PACS2: variants seen among roughly 807,000 people sequenced by gnomAD.
The protein encoded by PACS2 is PACS1-like protein.
PACS2 carries 36 observed loss-of-function variants against 113.0 expected under a neutral mutation model. That is an observed-to-expected ratio of 0.32 (90% CI 0.24 to 0.42). The LOEUF (loss-of-function observed/expected upper bound fraction) is 0.42. Ranked by LOEUF, PACS2 falls within the 10% of genes least tolerant of loss-of-function variation. The probability of loss-of-function intolerance (pLI) is 1.00; values close to 1 mark genes in which losing one functional copy is unlikely to be tolerated. For synonymous variants in PACS2, 589 were observed against 536.1 expected, an observed-to-expected ratio of 1.10 and a Z score of -1.36; for missense variants, 1,015 against 1,239.5, an observed-to-expected ratio of 0.82 and a Z score of 2.72.
At chr14:105,319,553 T>C (rs969737986) in intron 1 of PACS2, among the ~76,000 whole-genome samples, 1 of 152,256 alleles carries the variant, frequency 6.6e-6, no homozygotes, top group Non-Finnish European at 1.5e-5. Flanking sequence ...AATCAGTGAT[T>C]TTACTATTTT....
chr14:105,392,929 AGCCCCCGGGCTG>A (rs2081408426), intron 23 of PACS2, 84 bp downstream of exon 23: 1 of 1,147,812 alleles, frequency 8.7e-7, no homozygotes, highest in Admixed American at 1.8e-5. Flanking sequence ...CAGGGATGAC[AGCCCCCGGGCTG>A]GCCTCGGGCA....
intron 1 of PACS2, among the ~76,000 whole-genome samples, chr14:105,307,270 T>C (rs587680996): frequency 1.2e-4 from 19 of 152,148 alleles, no homozygotes; most frequent in African/African-American, 4.3e-4. Context: ...TTCATCAGGC[T>C]CCTGCATTCC....
intron 9 of PACS2, among the ~76,000 whole-genome samples, chr14:105,378,762 C>T (rs959724936): frequency 6.6e-6 from 1 of 152,242 alleles, no homozygotes; most frequent in African/African-American, 2.4e-5. Context: ...ATCTGTAGGT[C>T]TCCCTTCCTC....
At chr14:105,384,552 C>A in intron 17 of PACS2, 89 bp downstream of exon 17, 1 of 787,880 alleles carries the variant, frequency 1.3e-6, no homozygotes, top group Non-Finnish European at 2.1e-6. Context: ...GGCCCTGCAC[C>A]TGCTCAGGCT....
rs74577215 is a variant in PACS2 at position 105,378,418 on chromosome 14, T to C, written c.960-1321T>C. ...GTTTTTTTAGGGGGCGGGGGAGTTG[T>C]TTGTTTCTTGAGATAAGGCCTTGCT... On this transcript the variant is annotated intron_variant, in intron 9 of 24. Transcript: ENST00000447393. Among the ~76,000 whole-genome samples the C allele has an allele frequency of 7.6e-4, 116 of 152,156 alleles. 3 individuals carry two copies. In the East Asian group the frequency reaches 0.015, roughly 20 times the overall value.
In PACS2 at chr14:105,390,015, C is replaced by T. The variant is rs2081303228; in HGVS notation, c.2076+12C>T. On this transcript the variant is annotated intron_variant, in intron 20 of 24. Coordinates refer to ENST00000447393, the MANE Select transcript of PACS2 (RefSeq NM_001100913.3). ...TTCCCTTTGTCGGGGTGAGTACTGGCCAGCTTTATGTGATGGGAAACCGCA... is the reference window on the plus strand; with the variant it reads ...TTCCCTTTGTCGGGGTGAGTACTGGTCAGCTTTATGTGATGGGAAACCGCA... 1.2e-6 allele frequency: 2 copies of T among 1,612,550 alleles called. No individual in the cohort carries two copies. Among genetic ancestry groups the T allele is most frequent in the African/African-American group, 1.3e-5 (1 of 75,024 alleles).
At chr14:105,362,262 T>TA (rs1488485597) in intron 4 of PACS2, among the ~76,000 whole-genome samples, 34 of 144,792 alleles carry the variant, frequency 2.3e-4, no homozygotes, top group South Asian at 1.3e-3. Flanking sequence ...ACTGAAAATA[T>TA]AAAAAATTAG....
At position 105,356,531 on chromosome 14, in the gene PACS2, T is replaced by C. The variant is rs1187588045; in HGVS notation, c.423+1354T>C. On this transcript the variant is annotated intron_variant, in intron 4 of 24. Coordinates refer to ENST00000447393, the MANE Select transcript of PACS2 (RefSeq NM_001100913.3). The surrounding 1 kb of genome is among the most constrained non-coding windows in gnomAD (Gnocchi z 4.0). Reference sequence around the variant, plus strand: ...AGCCTCCCTCCTGCAGGCTGAGCGATGGGTGAACAGGTAGCTCAGGGATGC... The same window carrying C: ...AGCCTCCCTCCTGCAGGCTGAGCGACGGGTGAACAGGTAGCTCAGGGATGC... Among the ~76,000 whole-genome samples, 1 of 152,144 alleles carries C rather than the reference T, an allele frequency of 6.6e-6. No individual in the cohort carries two copies. The highest frequency in any genetic ancestry group is 2.4e-5 in the African/African-American group (1 of 41,430).
chr14:105,319,255 T>C lies in PACS2; in HGVS notation c.119+4218T>C, dbSNP rs149791762. The stretch of plus-strand genomic sequence containing the variant: ...GCCACCACGCCCAGCCAGAATTATC[T>C]TTTTAAGTTTCACACAAAGCCACAT... On this transcript the variant is annotated intron_variant, in intron 1 of 24. Coordinates refer to ENST00000447393, the MANE Select transcript of PACS2 (RefSeq NM_001100913.3). Among the ~76,000 whole-genome samples, 113 of 152,366 alleles carry C rather than the reference T, an allele frequency of 7.4e-4. 1 individual carries two copies. Among genetic ancestry groups the C allele is most frequent in the African/African-American group, 2.7e-3 (111 of 41,592 alleles).
chr14:105,379,171 T>TGGAAAGGCCTGGGTGGTCC (rs1441269660), intron 9 of PACS2, among the ~76,000 whole-genome samples: 1 of 151,778 alleles, frequency 6.6e-6, no homozygotes, highest in Non-Finnish European at 1.5e-5. Flanking sequence ...GTGGATAGTG[T>TGGAAAGGCCTGGGTGGTCC]GGAAAGGCCT....
intron 16 of PACS2, chr14:105,383,760 A>C: frequency 2.0e-6 from 1 of 496,440 alleles, no homozygotes; most frequent in Non-Finnish European, 3.6e-6. Flanking sequence ...TTGCCCTAAA[A>C]CAGCCATTTG....
At chr14:105,345,394 G>C (rs376857048) in intron 1 of PACS2, among the ~76,000 whole-genome samples, 2 of 152,104 alleles carry the variant, frequency 1.3e-5, no homozygotes, top group African/African-American at 4.8e-5. Flanking sequence ...GCAACAGAGC[G>C]AGACTCCGTC....
At chr14:105,344,256 T>G (rs587594590) in intron 1 of PACS2, among the ~76,000 whole-genome samples, 2 of 151,156 alleles carry the variant, frequency 1.3e-5, no homozygotes, top group African/African-American at 2.4e-5. Context: ...TGGAAGTTTT[T>G]TTTTGTTTTG....
At chr14:105,333,685 G>C (rs1445069945) in intron 1 of PACS2, among the ~76,000 whole-genome samples, 1 of 152,248 alleles carries the variant, frequency 6.6e-6, no homozygotes, top group African/African-American at 2.4e-5. Context: ...TGGGCCATTG[G>C]GGAGGGAGGA....
Position 105,357,755 on chromosome 14 carries a change from C to T in PACS2, c.423+2578C>T, listed in dbSNP as rs2060510399. ...GGCTCAGGCAGCTGTGCCATGGGGG[C>T]TTGCTGGCTCCGAGACTGCACGCCT... On this transcript the variant is annotated intron_variant, in intron 4 of 24. Transcript: ENST00000447393. This position sits in a 1 kb window ranked among gnomAD's most constrained non-coding sequence, Gnocchi z 5.1. Among the ~76,000 whole-genome samples the T allele has an allele frequency of 6.6e-6, 1 of 152,164 alleles. No individual in the cohort carries two copies. The highest frequency in any genetic ancestry group is 2.1e-4 in the South Asian group (1 of 4,832).
Position 105,330,544 on chromosome 14 carries a change from C to T in PACS2, c.119+15507C>T, listed in dbSNP as rs149544875. Reference sequence around the variant, plus strand: ...GAGTGGGGCCGCAGCCAGCCCTGACCCAGCTGGGTGTGTGGCCGCTCTCTG... The same window carrying T: ...GAGTGGGGCCGCAGCCAGCCCTGACTCAGCTGGGTGTGTGGCCGCTCTCTG... On this transcript the variant is annotated intron_variant, in intron 1 of 24. Transcript: ENST00000447393. This position sits in a 1 kb window ranked among gnomAD's most constrained non-coding sequence, Gnocchi z 6.9. Among the ~76,000 whole-genome samples, 305 of 152,326 alleles carry T rather than the reference C, an allele frequency of 2.0e-3. 1 individual carries two copies. Among genetic ancestry groups the T allele is most frequent in the African/African-American group, 7.0e-3 (292 of 41,590 alleles).
At position 105,355,895 on chromosome 14, in the gene PACS2, G is replaced by A. The variant is rs1286053667; in HGVS notation, c.423+718G>A. 6.6e-6 allele frequency among the ~76,000 whole-genome samples: 1 copy of A among 152,192 alleles called. No individual in the cohort carries two copies. Among genetic ancestry groups the A allele is most frequent in the Non-Finnish European group, 1.5e-5 (1 of 68,020 alleles). ...GCTCTGGGAGAAGGGGCAGCCCAGGGCCCCAGACCAGTTTGTCTCTTTTGC... is the reference window on the plus strand; with the variant it reads ...GCTCTGGGAGAAGGGGCAGCCCAGGACCCCAGACCAGTTTGTCTCTTTTGC... On this transcript the variant is annotated intron_variant, in intron 4 of 24. Transcript: ENST00000447393. This position sits in a 1 kb window ranked among gnomAD's most constrained non-coding sequence, Gnocchi z 4.1.
At position 105,355,854 on chromosome 14, in the gene PACS2, C is replaced by T. The variant is rs1191813839; in HGVS notation, c.423+677C>T. 1.3e-5 allele frequency among the ~76,000 whole-genome samples: 2 copies of T among 152,174 alleles called. No individual in the cohort carries two copies. Among genetic ancestry groups the T allele is most frequent in the Admixed American group, 6.5e-5 (1 of 15,284 alleles). On this transcript the variant is annotated intron_variant, in intron 4 of 24. Coordinates refer to ENST00000447393, the MANE Select transcript of PACS2 (RefSeq NM_001100913.3). The surrounding 1 kb of genome is among the most constrained non-coding windows in gnomAD (Gnocchi z 4.1). Reference sequence around the variant, plus strand: ...CCTCGGACTTTCTCATGGACCCTTTCGGGGCTGCAAGATTGGCTCTGGGAG... The same window carrying T: ...CCTCGGACTTTCTCATGGACCCTTTTGGGGCTGCAAGATTGGCTCTGGGAG...
rs587659752 is a variant in PACS2, at chr14:105,355,413, C to T, written c.423+236C>T. On this transcript the variant is annotated intron_variant, in intron 4 of 24. Coordinates refer to ENST00000447393, the MANE Select transcript of PACS2 (RefSeq NM_001100913.3). This position sits in a 1 kb window ranked among gnomAD's most constrained non-coding sequence, Gnocchi z 4.1. ...ATGGCTCCCCGCATGCCTGCAGCCG[C>T]GCGCACTCCCCTCTAACGAGCCTGT... Among the ~76,000 whole-genome samples, 99 of 152,366 alleles carry T rather than the reference C, an allele frequency of 6.5e-4. No homozygotes were observed. Among genetic ancestry groups the T allele is most frequent in the Admixed American group, 2.2e-3 (33 of 15,312 alleles).
Sources: gnomAD v4.1 joint callset for allele counts (sites outside exome capture counted in the v4.1 genomes callset) on GRCh38, gnomAD v4.1.1 for gene constraint, Gnocchi (gnomAD v3.1) non-coding constraint, MANE v1.5 for transcripts, NCBI Gene and HGNC (gene_info 2026-07-23, HGNC 2026-07-21) for gene names.